The following ABHD17B variants were observed in gnomAD, a reference collection of about 807,000 sequenced individuals.
ABHD17B encodes alpha/beta hydrolase domain-containing protein 17B.
ABHD17B carries 9 observed loss-of-function variants against 26.2 expected under a neutral mutation model. The observed-to-expected ratio is 0.34, with a 90% CI of 0.21 to 0.60. ABHD17B has a LOEUF of 0.60. ABHD17B is among the 20% of genes least tolerant of loss of function. The pLI is 0.80. For missense variants in ABHD17B, 224 were observed against 352.1 expected, an observed-to-expected ratio of 0.64 and a Z score of 2.91; for synonymous variants, 127 against 122.3, an observed-to-expected ratio of 1.04 and a Z score of -0.25.
intron 1 of ABHD17B, among the ~76,000 whole-genome samples, chr9:71,892,839 T>C (rs1025213561): frequency 6.6e-6 from 1 of 152,124 alleles, no homozygotes; most frequent in Non-Finnish European, 1.5e-5. Flanking sequence ...AGTGTACAGT[T>C]CCATGGCATT....
In ABHD17B at chr9:71,875,025, G is replaced by T; in HGVS notation, c.56C>A (p.Pro19Gln). 1 of 1,613,798 alleles carries T rather than the reference G, an allele frequency of 6.2e-7. No individual in the cohort carries two copies. Among genetic ancestry groups the T allele is most frequent in the South Asian group, 1.1e-5 (1 of 91,070 alleles). Residue 19 changes from proline to glutamine, a missense_variant, in exon 2 of 4, where the codon CCA (proline) becomes CAA (glutamine). Transcript: ENST00000333421. ...LCCLFCCPPC[P>Q]GKIASKLAFL... The stretch of plus-strand genomic sequence containing the variant: ...CGCTAATTTTGAAGCAATCTTCCCT[G>T]GACAAGGTGGACAGCAGAAGAGGCA...
chr9:71,865,881 A>G lies in ABHD17B; in HGVS notation c.*906T>C. 1.0e-6 allele frequency: 1 copy of G among 985,328 alleles called. No individual in the cohort carries two copies. The highest frequency in any genetic ancestry group is 1.2e-6 in the Non-Finnish European group (1 of 829,834). The allele number at this position is 985,328 out of a possible 1,614,324, so 61.0% of individuals were successfully genotyped here. A position where few individuals can be genotyped will look rare whatever the true frequency, so the allele number is the denominator to read the frequency against. ...ATCTCAAAAAATGAAAAAAATAGCC[A>G]AAGTGAAAAGGGATCTGATAGCCAG... is the stretch of plus-strand genomic sequence containing the variant. On this transcript the variant is annotated 3_prime_UTR_variant, in exon 4 of 4. Transcript: ENST00000333421.
At chr9:71,884,459 G>C (rs1219651480) in intron 1 of ABHD17B, among the ~76,000 whole-genome samples, 3 of 152,154 alleles carry the variant, frequency 2.0e-5, no homozygotes, top group African/African-American at 4.8e-5. Flanking sequence ...CTGATGACTA[G>C]GGATTAAATA....
At chr9:71,870,053 A>C (rs1826066843) in intron 3 of ABHD17B, 30 bp downstream of exon 3, 1 of 1,567,366 alleles carries the variant, frequency 6.4e-7, no homozygotes. Context: ...AGTTTCTTGG[A>C]ATTTAACTAT....
chr9:71,905,659 T>C (rs949530341), intron 1 of ABHD17B, among the ~76,000 whole-genome samples: 1 of 152,190 alleles, frequency 6.6e-6, no homozygotes, highest in African/African-American at 2.4e-5. Flanking sequence ...TGACAGCTTT[T>C]GGCTACTATA....
intron 1 of ABHD17B, among the ~76,000 whole-genome samples, chr9:71,895,443 T>C (rs1290641344): frequency 6.6e-6 from 1 of 152,222 alleles, no homozygotes; most frequent in South Asian, 2.1e-4. Context: ...GGGTATATAA[T>C]TGTGTTTCAG....
chr9:71,872,558 T>C (rs1826143654), intron 2 of ABHD17B, among the ~76,000 whole-genome samples: 1 of 152,164 alleles, frequency 6.6e-6, no homozygotes, highest in South Asian at 2.1e-4. Context: ...GCACTAATAA[T>C]GAAAGCTGGC....
At position 71,866,757 on chromosome 9, in the gene ABHD17B, G is replaced by A. The variant is rs1825967059; in HGVS notation, c.*30C>T. 4 of 1,612,088 alleles carry A rather than the reference G, an allele frequency of 2.5e-6. No homozygotes were observed. Among genetic ancestry groups the A allele is most frequent in the Non-Finnish European group, 3.4e-6 (4 of 1,179,004 alleles). ...CAAAGAGTGCAGTTCAGCAAGAAAG[G>A]AAAACCCAGTAGCAAATTTACAGAA... is the stretch of plus-strand genomic sequence containing the variant. On this transcript the variant is annotated 3_prime_UTR_variant, in exon 4 of 4. Transcript: ENST00000333421.
chr9:71,896,466 C>G (rs1413415484), intron 1 of ABHD17B, among the ~76,000 whole-genome samples: 1 of 152,048 alleles, frequency 6.6e-6, no homozygotes, highest in African/African-American at 2.4e-5. Context: ...TATCAAACTT[C>G]TAAAAAATAT....
At chr9:71,885,665 T>C (rs1826586308) in intron 1 of ABHD17B, among the ~76,000 whole-genome samples, 1 of 152,152 alleles carries the variant, frequency 6.6e-6, no homozygotes, top group Admixed American at 6.5e-5. Context: ...GATAAATAAC[T>C]GATTCTTTCT....
intron 1 of ABHD17B, among the ~76,000 whole-genome samples, chr9:71,907,900 T>G (rs1827333809): frequency 6.6e-6 from 1 of 152,164 alleles, no homozygotes; most frequent in Non-Finnish European, 1.5e-5. Flanking sequence ...GCACCAACAT[T>G]TATATTGCTA....
chr9:71,871,273 T>C (rs1476344570), intron 2 of ABHD17B, among the ~76,000 whole-genome samples: 1 of 152,226 alleles, frequency 6.6e-6, no homozygotes, highest in Non-Finnish European at 1.5e-5. Context: ...TGTCCGTGTG[T>C]TCTCTTCCAG....
Position 71,866,470 on chromosome 9 carries a change from G to C in ABHD17B, c.*317C>G. On this transcript the variant is annotated 3_prime_UTR_variant, in exon 4 of 4. Transcript: ENST00000333421. ...AAAAATATTTATAAATTTGTTTCTA[G>C]TATGCAAAAGCATTTGGCAATACTT... The C allele has an allele frequency of 9.7e-7, 1 of 1,036,184 alleles. No homozygotes were observed. The highest frequency in any genetic ancestry group is 1.2e-6 in the Non-Finnish European group (1 of 858,084). 64.2% of individuals were successfully genotyped at this position (1,036,184 alleles called of 1,614,324 possible).
At chr9:71,907,453 CG>C (rs940976288) in intron 1 of ABHD17B, among the ~76,000 whole-genome samples, 6 of 152,050 alleles carry the variant, frequency 3.9e-5, no homozygotes, top group South Asian at 2.1e-4. Flanking sequence ...GGTTAGATAT[CG>C]GGGGGAAAAG....
chr9:71,910,385 A>T lies in ABHD17B; in HGVS notation c.-4+249T>A, dbSNP rs1481096653. On this transcript the variant is annotated intron_variant, in intron 1 of 3. Coordinates refer to ENST00000333421, the MANE Select transcript of ABHD17B (RefSeq NM_001025780.3). ...TGACTCCGGCCGCTCCACGGACCGC[A>T]GGGACTGTCCTACCGCTCCCCTTCA... is the stretch of plus-strand genomic sequence containing the variant. Among the ~76,000 whole-genome samples, 3 of 151,464 alleles carry T rather than the reference A, an allele frequency of 2.0e-5. No homozygotes were observed. In the East Asian group the frequency reaches 5.8e-4, roughly 29 times the overall value.
rs1031430224 is a variant in ABHD17B, at chr9:71,892,532, C to CA, written c.-3-17450dup. ...TGGGTGACAGAGTGAGACTCCCTCT[C>CA]AAAAAAAAACAAAAACAAACAAACA... On this transcript the variant is annotated intron_variant, in intron 1 of 3. Transcript: ENST00000333421. Among the ~76,000 whole-genome samples, 91 of 145,044 alleles carry CA rather than the reference C, an allele frequency of 6.3e-4. 1 individual carries two copies. Among genetic ancestry groups the CA allele is most frequent in the Admixed American group, 2.4e-3 (35 of 14,466 alleles).
intron 1 of ABHD17B, among the ~76,000 whole-genome samples, chr9:71,892,894 T>C (rs1826832853): frequency 6.6e-6 from 1 of 152,172 alleles, no homozygotes; most frequent in Non-Finnish European, 1.5e-5. Context: ...ATTTTATTTT[T>C]CATCTTCCCC....
chr9:71,892,843 T>C (rs369508977), intron 1 of ABHD17B, among the ~76,000 whole-genome samples: 7 of 152,258 alleles, frequency 4.6e-5, no homozygotes, highest in Middle Eastern at 3.4e-3. Context: ...TACAGTTCCA[T>C]GGCATTAAAT....
At chr9:71,901,227 G>GC (rs1827130495) in intron 1 of ABHD17B, among the ~76,000 whole-genome samples, 2 of 151,494 alleles carry the variant, frequency 1.3e-5, no homozygotes, top group South Asian at 4.2e-4. Context: ...TACCTGAGTT[G>GC]TTTTTTTTGT....
Sources: allele counts gnomAD v4.1 joint callset (sites outside exome capture counted in the v4.1 genomes callset), GRCh38; gene constraint gnomAD v4.1.1; transcripts MANE v1.5; gene names NCBI Gene and HGNC (gene_info 2026-07-23, HGNC 2026-07-21).